The following KMT2A variants were observed in gnomAD, a reference collection of about 807,000 sequenced individuals.
The protein encoded by KMT2A is lysine methyltransferase 2A, also known as histone-lysine N-methyltransferase 2A.
A neutral mutation model predicts 345.3 loss-of-function variants in KMT2A; 16 were observed. The observed-to-expected ratio is 0.05, with a 90% CI of 0.03 to 0.07. KMT2A has a LOEUF of 0.07. KMT2A is among the 10% of genes least tolerant of loss of function. The pLI is 1.00. For synonymous variants in KMT2A, 1,599 were observed against 1,778.6 expected (o/e 0.90, Z 2.54); for missense variants, 3,272 against 4,841.6 (o/e 0.68, Z 9.62).
intron 1 of KMT2A, among the ~76,000 whole-genome samples, chr11:118,453,507 A>G (rs1949582646): frequency 6.6e-6 from 1 of 152,008 alleles, no homozygotes; most frequent in Admixed American, 6.6e-5. Flanking sequence ...CTCCTGAATA[A>G]GGTTCCCAGG....
At chr11:118,475,123 G>C (rs1358272041) in intron 3 of KMT2A, among the ~76,000 whole-genome samples, 1 of 151,986 alleles carries the variant, frequency 6.6e-6, no homozygotes, top group Non-Finnish European at 1.5e-5. Context: ...AATAGAGTAA[G>C]TCTCTATCTC....
At chr11:118,471,594 T>G in intron 2 of KMT2A, 68 bp from the exon 3 acceptor site, 2 of 1,104,490 alleles carry the variant, frequency 1.8e-6, no homozygotes, top group Non-Finnish European at 2.6e-6. Flanking sequence ...TAAGTTATAT[T>G]CAGCTTAGTT....
In KMT2A at chr11:118,503,574, C is replaced by T. The variant is rs1245327811; in HGVS notation, c.7682C>T (p.Pro2561Leu). The change falls in exon 27 of 36, where the codon CCA (proline) becomes CTA (leucine). Residue 2561 changes from proline (P) to leucine (L), a missense_variant. This residue lies in a region of KMT2A where 445 missense variants were observed against 500.9 expected (regional missense o/e 0.89). Transcript: ENST00000534358. This position sits in a 1 kb window ranked among gnomAD's most constrained non-coding sequence, Gnocchi z 5.3. ...ATAGAGTCAACATCTCCCACAGAAC[C>T]AATTTCAGCCTCTGAAAATCCAGGA... ...LQIESTSPTEPISASENPGDG... is the reference protein window; with the variant it reads ...LQIESTSPTELISASENPGDG... 1.2e-6 allele frequency: 2 copies of T among 1,614,144 alleles called. No homozygotes were observed. The highest frequency in any genetic ancestry group is 2.7e-5 in the African/African-American group (2 of 75,042).
chr11:118,487,708 G>T (rs2134324201), intron 10 of KMT2A, among the ~76,000 whole-genome samples: 1 of 152,082 alleles, frequency 6.6e-6, no homozygotes, highest in Admixed American at 6.5e-5. Flanking sequence ...TTTAACCATG[G>T]TATAATTACC....
chr11:118,470,913 C>G (rs1339427422), intron 2 of KMT2A, among the ~76,000 whole-genome samples: 3 of 152,140 alleles, frequency 2.0e-5, no homozygotes, highest in African/African-American at 7.2e-5. Flanking sequence ...TAGAATAGAA[C>G]TTTGATTTAA....
In KMT2A at chr11:118,491,916, A is replaced by G. The variant is rs782059730; in HGVS notation, c.4992A>G (p.Leu1664=). 5.0e-6 allele frequency: 8 copies of G among 1,613,068 alleles called. No individual in the cohort carries two copies. The Middle Eastern group carries it at 5.4e-4, about 109-fold the overall frequency. ...ATTCTCGGACTACCAGCCATTTGCT[A>G]CGCTACCGGCAGGTAGGCCAAGTCT... is the stretch of plus-strand genomic sequence containing the variant. The part of the protein sequence containing the change: ...LLNSRTTSHL[L]RYRQAAKPPD... Residue 1664 remains leucine, a synonymous_variant, in exon 15 of 36, where the codon CTA becomes CTG. Coordinates refer to ENST00000534358, the MANE Select transcript of KMT2A (RefSeq NM_001197104.2). The surrounding 1 kb of genome is among the most constrained non-coding windows in gnomAD (Gnocchi z 4.2).
intron 31 of KMT2A, among the ~76,000 whole-genome samples, chr11:118,518,523 G>A (rs1555052286): frequency 6.6e-6 from 1 of 152,106 alleles, no homozygotes; most frequent in Non-Finnish European, 1.5e-5. Context: ...GCTCACACCT[G>A]TAATCCCAGC....
At chr11:118,513,835 G>A (rs1393206684) in intron 31 of KMT2A, among the ~76,000 whole-genome samples, 2 of 150,852 alleles carry the variant, frequency 1.3e-5, no homozygotes, top group African/African-American at 4.9e-5. Flanking sequence ...TACTTGGGAA[G>A]CTGATGTGGG....
Position 118,478,068 on chromosome 11 carries a change from G to A in KMT2A, c.3436G>A (p.Val1146Ile), listed in dbSNP as rs781805197. ...AAACAAGGCACCCCAGGAACCTCCAGTAAAGAAAGGACGTCGATCGAGGCG... is the reference window on the plus strand; with the variant it reads ...AAACAAGGCACCCCAGGAACCTCCAATAAAGAAAGGACGTCGATCGAGGCG... ...TRNKAPQEPP[V>I]KKGRRSRRCG... is the part of the protein sequence containing the mutation. Residue 1146 changes from valine (V) to isoleucine (I), a missense_variant, in exon 5 of 36, where the codon GTA becomes ATA. Around this residue, in one of 27 missense-constraint regions of KMT2A, gnomAD observed 33 missense variants for 46.5 expected, o/e 0.71. Coordinates refer to ENST00000534358, the MANE Select transcript of KMT2A (RefSeq NM_001197104.2). 2 of 1,614,032 alleles carry A rather than the reference G, an allele frequency of 1.2e-6. No homozygotes were observed. The highest frequency in any genetic ancestry group is 1.3e-5 in the African/African-American group (1 of 74,926).
chr11:118,474,005 C>T lies in KMT2A; in HGVS notation c.2846C>T (p.Thr949Ile). The T allele has an allele frequency of 6.2e-7, 1 of 1,613,792 alleles. No individual in the cohort carries two copies. Among genetic ancestry groups the T allele is most frequent in the East Asian group, 2.2e-5 (1 of 44,884 alleles). Residue 949 changes from threonine (T) to isoleucine (I), a missense_variant, in exon 3 of 36, where the codon ACT becomes ATT. Transcript: ENST00000534358. ...TCTGGGACTGATATTACTTCTGTGA[C>T]TCTTGGGGATACAACAGCTGTCAAA... ...HDSGTDITSV[T>I]LGDTTAVKTK...
rs1281619064 is a variant in KMT2A at position 118,525,755 on chromosome 11, T to C, written c.*3583T>C. 4.4e-6 allele frequency: 1 copy of C among 228,894 alleles called. No individual in the cohort carries two copies. Among genetic ancestry groups the C allele is most frequent in the Non-Finnish European group, 8.6e-6 (1 of 115,670 alleles). The allele number at this position is 228,894 out of a possible 1,614,324, so 14.2% of individuals were successfully genotyped here. On this transcript the variant is annotated 3_prime_UTR_variant, in exon 36 of 36. Coordinates refer to ENST00000534358, the MANE Select transcript of KMT2A (RefSeq NM_001197104.2). ...CCTTGTCAGATGTTAACTTCTAAGT[T>C]CGGTTTGGGATTTTTTTTTTTTAAT...
intron 1 of KMT2A, among the ~76,000 whole-genome samples, chr11:118,441,770 C>A (rs557352644): frequency 2.0e-5 from 3 of 152,308 alleles, no homozygotes; most frequent in Admixed American, 2.0e-4. Context: ...CCCCATCTTT[C>A]ACTTCCATTT....
rs1270311891 is a variant in KMT2A at position 118,522,906 on chromosome 11, CCT to C, written c.*735_*736del. The C allele has an allele frequency of 1.8e-5, 4 of 226,400 alleles. No homozygotes were observed. Among genetic ancestry groups the C allele is most frequent in the African/African-American group, 2.2e-5 (1 of 44,876 alleles). The allele number at this position is 226,400 out of a possible 1,614,324, so 14.0% of individuals were successfully genotyped here. On this transcript the variant is annotated 3_prime_UTR_variant, in exon 36 of 36. Transcript: ENST00000534358. This position sits in a 1 kb window ranked among gnomAD's most constrained non-coding sequence, Gnocchi z 5.4. ...TCTTCACTCCCTTTTCTTCCTTTCC[CCT>C]GTCTTCATGCCACTGCTTTCCCATG...
chr11:118,507,662 A>AT, intron 28 of KMT2A, 53 bp downstream of exon 28: 2 of 1,463,018 alleles, frequency 1.4e-6, no homozygotes, highest in Non-Finnish European at 1.9e-6. Flanking sequence ...TGTCCACCTC[A>AT]TTTAAAAAAT....
intron 1 of KMT2A, among the ~76,000 whole-genome samples, chr11:118,462,001 G>A (rs973994337): frequency 3.9e-5 from 6 of 152,080 alleles, no homozygotes. Context: ...ACCCAGGCTG[G>A]AGTGCAGTGG....
rs1228306731 is a variant in KMT2A, at chr11:118,436,952, G to T, written c.432+8G>T. ...GGAGGCGGCAGCGGAGAGGTAAGGG[G>T]GCGAGGAACCCCCAGGTCCGGGGTC... is the stretch of plus-strand genomic sequence containing the variant. On this transcript the variant is annotated splice_region_variant and intron_variant, in intron 1 of 35. Transcript: ENST00000534358. The surrounding 1 kb of genome is among the most constrained non-coding windows in gnomAD (Gnocchi z 6.9). 3 of 1,478,654 alleles carry T rather than the reference G, an allele frequency of 2.0e-6. No homozygotes were observed. The highest frequency in any genetic ancestry group is 2.6e-5 in the South Asian group (2 of 75,560). The allele number at this position is 1,478,654 out of a possible 1,614,324, so 91.6% of individuals were successfully genotyped here. A position where few individuals can be genotyped will look rare whatever the true frequency, so the allele number is the denominator to read the frequency against.
At position 118,494,680 on chromosome 11, in the gene KMT2A, G is replaced by T. The variant is rs2134350929; in HGVS notation, c.5290-14G>T. On this transcript the variant is annotated splice_polypyrimidine_tract_variant and intron_variant, in intron 17 of 35. Coordinates refer to ENST00000534358, the MANE Select transcript of KMT2A (RefSeq NM_001197104.2). The surrounding 1 kb of genome is among the most constrained non-coding windows in gnomAD (Gnocchi z 5.8). ...GTGTTTACATATTTACATTTTGTTTGTGTTTTCTTTTAGCAAATGGAACGT... is the reference window on the plus strand; with the variant it reads ...GTGTTTACATATTTACATTTTGTTTTTGTTTTCTTTTAGCAAATGGAACGT... The T allele has an allele frequency of 6.2e-7, 1 of 1,611,090 alleles. No homozygotes were observed.
chr11:118,514,304 G>C (rs981840072), intron 31 of KMT2A, among the ~76,000 whole-genome samples: 2 of 152,246 alleles, frequency 1.3e-5, no homozygotes, highest in African/African-American at 4.8e-5. Flanking sequence ...TCCTGTCTAC[G>C]GATCCTTACA....
Position 118,472,506 on chromosome 11 carries a change from T to C in KMT2A, c.1347T>C (p.Ser449=). The C allele has an allele frequency of 1.2e-6, 2 of 1,613,360 alleles. No homozygotes were observed. Among genetic ancestry groups the C allele is most frequent in the South Asian group, 1.1e-5 (1 of 91,030 alleles). ...CCCGATTAGAGTCTACACCGAATAG[T>C]AGATTCAGTGCCCCGTCCTGTGGAT... The part of the protein sequence containing the change: ...KIARLESTPN[S]RFSAPSCGSS... Residue 449 remains serine, a synonymous_variant, in exon 3 of 36, where the codon AGT becomes AGC. Coordinates refer to ENST00000534358, the MANE Select transcript of KMT2A (RefSeq NM_001197104.2).
Sources: allele counts gnomAD v4.1 joint callset (sites outside exome capture counted in the v4.1 genomes callset), GRCh38; gene constraint gnomAD v4.1.1; regional missense constraint gnomAD v4.1.1; non-coding constraint Gnocchi (gnomAD v3.1); transcripts MANE v1.5; gene names NCBI Gene and HGNC (gene_info 2026-07-23, HGNC 2026-07-21).